Variants in NDST3 observed in about 807,000 individuals in gnomAD.
NDST3 encodes the protein bifunctional heparan sulfate N-deacetylase/N-sulfotransferase 3.
A neutral mutation model predicts 96.1 loss-of-function variants in NDST3; 58 were observed. The ratio of observed to expected loss-of-function variants is 0.60; its 90% CI spans 0.49 to 0.75. The LOEUF is 0.75. Among genes scored for constraint, NDST3 ranks in the 30% least tolerant of loss-of-function variants. The probability of loss-of-function intolerance (pLI) is 0.00; values close to 1 mark genes in which losing one functional copy is unlikely to be tolerated. For missense variants in NDST3, 788 were observed against 1,034.2 expected, an observed-to-expected ratio of 0.76 and a Z score of 3.27; for synonymous variants, 333 against 359.7, an observed-to-expected ratio of 0.93 and a Z score of 0.84.
chr4:118,159,323 G>A (rs1734933354), intron 6 of NDST3, among the ~76,000 whole-genome samples: 3 of 152,110 alleles, frequency 2.0e-5, no homozygotes. Flanking sequence ...ACAAGGTCTT[G>A]GAAGAAAATC....
At chr4:118,245,907 G>A (rs1741283711) in intron 12 of NDST3, among the ~76,000 whole-genome samples, 1 of 152,056 alleles carries the variant, frequency 6.6e-6, no homozygotes, top group South Asian at 2.1e-4. Context: ...AAGTTGAGGA[G>A]GCAGGATTGA....
chr4:118,249,727 C>CACAT (rs1056971415), intron 12 of NDST3, among the ~76,000 whole-genome samples: 1 of 134,718 alleles, frequency 7.4e-6, no homozygotes, highest in African/African-American at 2.9e-5. Context: ...ACTACAGCCC[C>CACAT]ACATACACAC....
At chr4:118,198,029 A>G (rs1737813999) in intron 6 of NDST3, among the ~76,000 whole-genome samples, 1 of 151,766 alleles carries the variant, frequency 6.6e-6, no homozygotes, top group South Asian at 2.1e-4. Flanking sequence ...TGATCTCTTG[A>G]CCAAGTGATA....
chr4:118,252,039 T>C (rs1741779349), intron 12 of NDST3, among the ~76,000 whole-genome samples: 1 of 152,320 alleles, frequency 6.6e-6, no homozygotes, highest in South Asian at 2.1e-4. Flanking sequence ...GTTTTCACAT[T>C]ATAATTTTAA....
intron 2 of NDST3, among the ~76,000 whole-genome samples, chr4:118,095,795 A>G (rs995593544): frequency 7.9e-5 from 12 of 151,928 alleles, no homozygotes; most frequent in Admixed American, 4.6e-4. Context: ...CATACTCTAG[A>G]TATTTCTTGT....
chr4:118,122,865 T>G (rs1321538842), intron 4 of NDST3, among the ~76,000 whole-genome samples: 1 of 152,158 alleles, frequency 6.6e-6, no homozygotes, highest in African/African-American at 2.4e-5. Flanking sequence ...ATTCTCGTAT[T>G]GAAAATGAAG....
chr4:118,047,195 C>A (rs1359833174), intron 1 of NDST3, among the ~76,000 whole-genome samples: 6 of 152,200 alleles, frequency 3.9e-5, no homozygotes, highest in Admixed American at 2.6e-4. Flanking sequence ...AGAATTCAGC[C>A]ACAAATAAAG....
chr4:118,149,652 T>C (rs1319756237), intron 6 of NDST3, among the ~76,000 whole-genome samples: 1 of 151,342 alleles, frequency 6.6e-6, no homozygotes, highest in Non-Finnish European at 1.5e-5. Flanking sequence ...AAGGAGATTT[T>C]GGGCTGAGAC....
chr4:118,063,568 T>A (rs902553146), intron 2 of NDST3, among the ~76,000 whole-genome samples: 1 of 152,180 alleles, frequency 6.6e-6, no homozygotes, highest in African/African-American at 2.4e-5. Context: ...TAAATCAGCA[T>A]GTAAAAAATC....
rs1172346964 is a variant in NDST3 at position 118,240,589 on chromosome 4, G to A, written c.2184G>A (p.Gly728=). 1 of 1,613,850 alleles carries A rather than the reference G, an allele frequency of 6.2e-7. No individual in the cohort carries two copies. The highest frequency in any genetic ancestry group is 2.2e-5 in the East Asian group (1 of 44,872). ...GCTTCTACGAAGTGATCTCAGCAGG[G>A]CCCCGTGCACCCTCGGAGCTCAGAG... ...KFSFYEVISA[G]PRAPSELRAL... The change falls in exon 11 of 14, where the codon GGG becomes GGA. Residue 728 remains glycine (G), a synonymous_variant. Coordinates refer to ENST00000296499, the MANE Select transcript of NDST3 (RefSeq NM_004784.3).
chr4:118,080,046 C>T (rs1299986004), intron 2 of NDST3, among the ~76,000 whole-genome samples: 1 of 152,098 alleles, frequency 6.6e-6, no homozygotes, highest in African/African-American at 2.4e-5. Context: ...AAGTTTGCAT[C>T]CCCTCTTCAT....
At chr4:118,044,874 G>A (rs1027409312) in intron 1 of NDST3, among the ~76,000 whole-genome samples, 1 of 152,098 alleles carries the variant, frequency 6.6e-6, no homozygotes, top group Non-Finnish European at 1.5e-5. Context: ...CTTGAGATAA[G>A]TAACCTGCTC....
At chr4:118,116,632 CG>C (rs1356275102) in intron 4 of NDST3, among the ~76,000 whole-genome samples, 1 of 151,988 alleles carries the variant, frequency 6.6e-6, no homozygotes, top group Non-Finnish European at 1.5e-5. Flanking sequence ...CCGAGGTGGG[CG>C]GATCACGAGG....
At chr4:118,152,857 C>A (rs796563928) in intron 6 of NDST3, among the ~76,000 whole-genome samples, 2 of 152,188 alleles carry the variant, frequency 1.3e-5, no homozygotes, top group Non-Finnish European at 2.9e-5. Flanking sequence ...CTGCTGACTG[C>A]CTCGTCCGCT....
intron 1 of NDST3, among the ~76,000 whole-genome samples, chr4:118,039,999 A>T (rs1185094657): frequency 6.6e-6 from 1 of 152,240 alleles, no homozygotes; most frequent in Non-Finnish European, 1.5e-5. Flanking sequence ...TTCCACTTTG[A>T]TGCTGCATTG....
chr4:118,221,449 C>T (rs953755964), intron 6 of NDST3, among the ~76,000 whole-genome samples: 6 of 151,960 alleles, frequency 3.9e-5, no homozygotes, highest in Non-Finnish European at 8.8e-5. Context: ...CTCCTCTTCC[C>T]AGCCTTCTCT....
At chr4:118,124,149 T>C (rs963014552) in intron 4 of NDST3, among the ~76,000 whole-genome samples, 1 of 152,138 alleles carries the variant, frequency 6.6e-6, no homozygotes, top group African/African-American at 2.4e-5. Context: ...CCTCCCACTT[T>C]ATATGTAATA....
chr4:118,138,049 C>A lies in NDST3; in HGVS notation c.1225-5C>A. 1 of 1,599,900 alleles carries A rather than the reference C, an allele frequency of 6.3e-7. No homozygotes were observed. Among genetic ancestry groups the A allele is most frequent in the South Asian group, 1.1e-5 (1 of 88,570 alleles). Reference sequence around the variant, plus strand: ...ACGCTCCAATTAACATTTGCTTGGTCTTAGGAGCACGGCATTCCAACGGAC... The same window carrying A: ...ACGCTCCAATTAACATTTGCTTGGTATTAGGAGCACGGCATTCCAACGGAC... On this transcript the variant is annotated splice_region_variant and splice_polypyrimidine_tract_variant and intron_variant, in intron 4 of 13. Coordinates refer to ENST00000296499, the MANE Select transcript of NDST3 (RefSeq NM_004784.3).
chr4:118,196,248 A>G (rs1737676032), intron 6 of NDST3, among the ~76,000 whole-genome samples: 1 of 152,144 alleles, frequency 6.6e-6, no homozygotes, highest in South Asian at 2.1e-4. Context: ...TTGGTTTGCT[A>G]ATACCTTGTT....
Sources: allele counts gnomAD v4.1 joint callset (sites outside exome capture counted in the v4.1 genomes callset), GRCh38; gene constraint gnomAD v4.1.1; transcripts MANE v1.5; gene names NCBI Gene and HGNC (gene_info 2026-07-23, HGNC 2026-07-21).